The following SRGAP3 variants were observed in gnomAD, a reference collection of about 807,000 sequenced individuals.
SRGAP3 encodes SLIT-ROBO Rho GTPase-activating protein 3.
SRGAP3 carries 39 observed loss-of-function variants against 121.1 expected under a neutral mutation model. That is an observed-to-expected ratio of 0.32 (90% CI 0.25 to 0.42). The LOEUF (loss-of-function observed/expected upper bound fraction) is 0.42. Among genes scored for constraint, SRGAP3 ranks in the 10% least tolerant of loss-of-function variants. SRGAP3 has a pLI of 1.00. For synonymous variants in SRGAP3, 601 were observed against 570.0 expected (o/e 1.05, Z -0.77); for missense variants, 1,213 against 1,470.6 (o/e 0.82, Z 2.86).
intron 1 of SRGAP3, among the ~76,000 whole-genome samples, chr3:9,175,306 G>A (rs1951138352): frequency 6.6e-6 from 1 of 152,210 alleles, no homozygotes; most frequent in African/African-American, 2.4e-5. Flanking sequence ...GGTTTCTTCT[G>A]CACTGCTCTG....
At chr3:9,299,359 C>CAAAAAAAAAA (rs35608018) in intron 3 of SRGAP3, among the ~76,000 whole-genome samples, 1 of 91,242 alleles carries the variant, frequency 1.1e-5, no homozygotes, top group Admixed American at 1.2e-4. Flanking sequence ...GACTCCGTCC[C>CAAAAAAAAAA]AAAAAAAAAA....
chr3:9,101,213 G>A (rs1030502625), intron 3 of SRGAP3, among the ~76,000 whole-genome samples: 2 of 152,208 alleles, frequency 1.3e-5, no homozygotes, highest in Non-Finnish European at 2.9e-5. Flanking sequence ...CTGCTGTAGA[G>A]GATGATAAAA....
intron 1 of SRGAP3, among the ~76,000 whole-genome samples, chr3:9,146,936 C>T (rs115114760): frequency 1.8e-3 from 267 of 152,276 alleles, no homozygotes; most frequent in African/African-American, 6.2e-3. Context: ...GCAATGTAGG[C>T]TATGAGTGGC....
intron 1 of SRGAP3, among the ~76,000 whole-genome samples, chr3:9,163,287 G>A (rs1243316598): frequency 3.3e-5 from 5 of 152,206 alleles, no homozygotes; most frequent in East Asian, 1.9e-4. Flanking sequence ...TCCAACCTGC[G>A]GCTCCAAGCT....
At chr3:9,151,458 T>C (rs1950207548) in intron 1 of SRGAP3, among the ~76,000 whole-genome samples, 1 of 152,128 alleles carries the variant, frequency 6.6e-6, no homozygotes, top group South Asian at 2.1e-4. Context: ...AAGACAATGA[T>C]GAGTCAGAGG....
At chr3:9,206,695 A>G (rs1642756) in intron 1 of SRGAP3, among the ~76,000 whole-genome samples, 67,102 of 151,738 alleles carry the variant, frequency 0.44, 15,453 homozygotes, top group African/African-American at 0.53. Flanking sequence ...CCCTTCATTC[A>G]GGTCTTAGCA....
intron 4 of SRGAP3, among the ~76,000 whole-genome samples, chr3:9,068,746 T>G (rs535935791): frequency 2.9e-4 from 44 of 152,318 alleles, no homozygotes; most frequent in African/African-American, 1.0e-3. Context: ...CCAGGATGCA[T>G]TAAATAATAT....
At chr3:9,325,634 G>A (rs763151029) in intron 3 of SRGAP3, among the ~76,000 whole-genome samples, 2 of 151,914 alleles carry the variant, frequency 1.3e-5, no homozygotes, top group South Asian at 2.1e-4. Flanking sequence ...CCTTCTAGAC[G>A]AGTGAAGGCC....
At chr3:9,297,627 G>A (rs1954973207) in intron 3 of SRGAP3, among the ~76,000 whole-genome samples, 1 of 152,192 alleles carries the variant, frequency 6.6e-6, no homozygotes, top group Non-Finnish European at 1.5e-5. Context: ...CAGGCACGGT[G>A]ACCCACGCCT....
At chr3:9,322,559 C>T (rs562126832) in intron 3 of SRGAP3, among the ~76,000 whole-genome samples, 4 of 151,892 alleles carry the variant, frequency 2.6e-5, no homozygotes, top group Admixed American at 1.3e-4. Context: ...CCTGTTGCAT[C>T]GGCGTGGCAT....
intron 3 of SRGAP3, among the ~76,000 whole-genome samples, chr3:9,297,505 T>A (rs1334082032): frequency 6.6e-6 from 1 of 152,014 alleles, no homozygotes; most frequent in Non-Finnish European, 1.5e-5. Flanking sequence ...TACCTCAGAA[T>A]GTGACTAAAT....
In SRGAP3 at chr3:9,073,712, C is replaced by G. The variant is rs766211900; in HGVS notation, c.486+6313G>C. On this transcript the variant is annotated intron_variant, in intron 4 of 21. Coordinates refer to ENST00000383836, the MANE Select transcript of SRGAP3 (RefSeq NM_014850.4). Reference sequence around the variant, plus strand: ...AGACCAGCCCCTGGCCTTCAACAAGCACTGTACATGATTGGAGGCTCTAGT... The same window carrying G: ...AGACCAGCCCCTGGCCTTCAACAAGGACTGTACATGATTGGAGGCTCTAGT... 6.6e-5 allele frequency among the ~76,000 whole-genome samples: 10 copies of G among 152,336 alleles called. No individual in the cohort carries two copies. In the South Asian group the frequency reaches 2.1e-3, roughly 32 times the overall value.
intron 3 of SRGAP3, among the ~76,000 whole-genome samples, chr3:9,300,185 A>AC (rs1559266414): frequency 7.9e-6 from 1 of 126,972 alleles, no homozygotes; most frequent in Non-Finnish European, 1.6e-5. Context: ...CATCACCACC[A>AC]TCATCACCAC....
chr3:9,298,902 A>G (rs1574982562), intron 3 of SRGAP3, among the ~76,000 whole-genome samples: 1 of 151,874 alleles, frequency 6.6e-6, no homozygotes, highest in South Asian at 2.1e-4. Context: ...AAATAGAAAA[A>G]TTAGCCGGGC....
intron 10 of SRGAP3, among the ~76,000 whole-genome samples, chr3:9,040,528 C>G (rs541081718): frequency 2.0e-5 from 3 of 151,850 alleles, no homozygotes; most frequent in African/African-American, 7.2e-5. Context: ...CTTCCTCTAT[C>G]TTTATTATTT....
chr3:8,986,651 G>A (rs965472636), intron 21 of SRGAP3, among the ~76,000 whole-genome samples: 2 of 152,126 alleles, frequency 1.3e-5, no homozygotes, highest in Non-Finnish European at 1.5e-5. Flanking sequence ...AAATTTCTTG[G>A]AGATTATGTA....
intron 1 of SRGAP3, among the ~76,000 whole-genome samples, chr3:9,209,830 G>T (rs934095738): frequency 6.6e-6 from 1 of 152,200 alleles, no homozygotes; most frequent in African/African-American, 2.4e-5. Flanking sequence ...TACACATAGA[G>T]ATTTGCACAT....
chr3:9,034,445 G>C (rs1944651074), intron 11 of SRGAP3: 1 of 152,226 alleles, frequency 6.6e-6, no homozygotes, highest in Non-Finnish European at 1.5e-5. Flanking sequence ...TCTGCTGACT[G>C]GGCTTGTGGT....
intron 1 of SRGAP3, among the ~76,000 whole-genome samples, chr3:9,213,830 C>G (rs546325535): frequency 6.6e-6 from 1 of 152,292 alleles, no homozygotes; most frequent in Admixed American, 6.5e-5. Flanking sequence ...TTCCTCTGCC[C>G]TTTCTCTTTT....
Sources: gnomAD v4.1 joint callset for allele counts (sites outside exome capture counted in the v4.1 genomes callset) on GRCh38, gnomAD v4.1.1 for gene constraint, MANE v1.5 for transcripts, NCBI Gene and HGNC (gene_info 2026-07-23, HGNC 2026-07-21) for gene names.